The following KIF15 variants were observed in gnomAD, a reference collection of about 807,000 sequenced individuals.
KIF15 encodes kinesin-like protein KIF15.
A neutral mutation model predicts 190.6 loss-of-function variants in KIF15; 140 were observed. The ratio of observed to expected loss-of-function variants is 0.73; its 90% CI spans 0.64 to 0.84. KIF15 has a LOEUF of 0.84. Among genes scored for constraint, KIF15 ranks in the 40% least tolerant of loss-of-function variants. KIF15 has a pLI of 0.00. For missense variants in KIF15, 1,372 were observed against 1,584.4 expected, an observed-to-expected ratio of 0.87 and a Z score of 2.28; for synonymous variants, 528 against 551.3, an observed-to-expected ratio of 0.96 and a Z score of 0.59.
At chr3:44,808,593 CTT>C (rs1244748184) in intron 16 of KIF15, among the ~76,000 whole-genome samples, 7 of 132,252 alleles carry the variant, frequency 5.3e-5, no homozygotes, top group African/African-American at 5.5e-5. Flanking sequence ...TATTGTTTTG[CTT>C]TTTTTTTTTT....
chr3:44,779,438 G>A (rs575072201), intron 4 of KIF15, among the ~76,000 whole-genome samples: 1 of 152,280 alleles, frequency 6.6e-6, no homozygotes, highest in East Asian at 1.9e-4. Context: ...ATGGCAGGGT[G>A]GGTATACTGT....
intron 5 of KIF15, among the ~76,000 whole-genome samples, chr3:44,782,868 G>A (rs1706231192): frequency 6.6e-6 from 1 of 152,200 alleles, no homozygotes; most frequent in Admixed American, 6.5e-5. Flanking sequence ...GAGTTTTCCA[G>A]GATAAGGGGC....
chr3:44,844,619 C>T (rs758383232), intron 30 of KIF15, among the ~76,000 whole-genome samples: 3 of 152,218 alleles, frequency 2.0e-5, no homozygotes, highest in African/African-American at 2.4e-5. Context: ...AAGGATGCAT[C>T]GTTCAAGTCT....
chr3:44,836,094 C>T (rs1698295831), intron 26 of KIF15, among the ~76,000 whole-genome samples: 1 of 152,148 alleles, frequency 6.6e-6, no homozygotes, highest in South Asian at 2.1e-4. Context: ...CACCTGTAAT[C>T]CCAGCACTTT....
chr3:44,786,378 A>G lies in KIF15; in HGVS notation c.460-17A>G. On this transcript the variant is annotated splice_polypyrimidine_tract_variant and intron_variant, in intron 6 of 34. Transcript: ENST00000326047. ...CACATGAAAATAATGTATCTAAATG[A>G]GGCTTCTTTTTTACAGGCTGGAGCT... is the stretch of plus-strand genomic sequence containing the variant. 2 of 1,586,122 alleles carry G rather than the reference A, an allele frequency of 1.3e-6. No homozygotes were observed. Among genetic ancestry groups the G allele is most frequent in the Non-Finnish European group, 1.7e-6 (2 of 1,163,334 alleles).
chr3:44,797,987 A>G, intron 10 of KIF15, 31 bp downstream of exon 10: 1 of 1,557,202 alleles, frequency 6.4e-7, no homozygotes, highest in Non-Finnish European at 8.7e-7. Context: ...TCATTAAATA[A>G]ATGAGAAAAA....
At position 44,823,294 on chromosome 3, in the gene KIF15, G is replaced by A. The variant is rs545080837; in HGVS notation, c.2550-2745G>A. 2.0e-5 allele frequency among the ~76,000 whole-genome samples: 3 copies of A among 152,276 alleles called. No homozygotes were observed. In the South Asian group the frequency reaches 6.2e-4, roughly 32 times the overall value. On this transcript the variant is annotated intron_variant, in intron 20 of 34. Transcript: ENST00000326047. ...AGCTGCAGCTCTGTTGGTGTTTGCTGGAGGCTCACTCCAGACCCTGTTTGC... is the reference window on the plus strand; with the variant it reads ...AGCTGCAGCTCTGTTGGTGTTTGCTAGAGGCTCACTCCAGACCCTGTTTGC...
intron 7 of KIF15, among the ~76,000 whole-genome samples, chr3:44,788,007 G>A (rs1482342068): frequency 1.3e-5 from 2 of 152,018 alleles, no homozygotes; most frequent in African/African-American, 4.8e-5. Context: ...GGCGCGCACT[G>A]CCATGCCTGG....
chr3:44,867,497 G>A (rs907627575), intron 6 of KIF15, among the ~76,000 whole-genome samples: 6 of 152,214 alleles, frequency 3.9e-5, no homozygotes, highest in Non-Finnish European at 7.3e-5. Flanking sequence ...GCCTCCCTGG[G>A]CAGTTAGTGA....
intron 4 of KIF15, among the ~76,000 whole-genome samples, chr3:44,779,820 TGA>T (rs1491545663): frequency 5.0e-5 from 3 of 60,342 alleles, no homozygotes; most frequent in Non-Finnish European, 8.7e-5. Flanking sequence ...GGTGACAGAG[TGA>T]AAAAAAAAAA....
chr3:44,829,579 TG>T (rs1322668334), intron 24 of KIF15, among the ~76,000 whole-genome samples: 5 of 118,366 alleles, frequency 4.2e-5, no homozygotes, highest in Non-Finnish European at 6.3e-5. Flanking sequence ...ATATTATATA[TG>T]TATATATTAT....
At chr3:44,780,841 T>TTTAA in intron 4 of KIF15, 44 bp from the exon 5 acceptor site, 1 of 1,386,456 alleles carries the variant, frequency 7.2e-7, no homozygotes, top group Non-Finnish European at 1.0e-6. Context: ...GGAGTAGTCT[T>TTTAA]TTAATTTTAT....
chr3:44,797,837 T>C lies in KIF15; in HGVS notation c.979T>C (p.Ser327Pro). 6.2e-7 allele frequency: 1 copy of C among 1,611,808 alleles called. No individual in the cohort carries two copies. Among genetic ancestry groups the C allele is most frequent in the East Asian group, 2.2e-5 (1 of 44,872 alleles). Reference sequence around the variant, plus strand: ...GTTCATTCCTATCATTAAACAGGATTCCCTTGGAGGTAATGCCAAAACAGC... The same window carrying C: ...GTTCATTCCTATCATTAAACAGGATCCCCTTGGAGGTAATGCCAAAACAGC... ...DSKLTFLLRD[S>P]LGGNAKTAII... Residue 327 changes from serine to proline, a missense_variant, in exon 10 of 35, where the codon TCC becomes CCC. Transcript: ENST00000326047.
In KIF15 at chr3:44,815,021, T is replaced by C; in HGVS notation, c.2494T>C (p.Phe832Leu). 1.9e-6 allele frequency: 3 copies of C among 1,612,164 alleles called. No homozygotes were observed. Among genetic ancestry groups the C allele is most frequent in the Non-Finnish European group, 2.5e-6 (3 of 1,179,460 alleles). ...ATTCAAAACGAATCAGGAGAAAGAATTCAACAAACTTTCCGAAAGACACAT... is the reference window on the plus strand; with the variant it reads ...ATTCAAAACGAATCAGGAGAAAGAACTCAACAAACTTTCCGAAAGACACAT... Reference protein sequence around the residue: ...SSFKTNQEKEFNKLSERHMHV... With the variant: ...SSFKTNQEKELNKLSERHMHV... The change falls in exon 20 of 35, where the codon TTC becomes CTC. Residue 832 changes from phenylalanine to leucine, a missense_variant. Phe to Leu is a conservative substitution (Grantham distance 22, BLOSUM62 0). Coordinates refer to ENST00000326047, the MANE Select transcript of KIF15 (RefSeq NM_020242.3).
chr3:44,774,208 G>A (rs1455787666), intron 1 of KIF15, among the ~76,000 whole-genome samples, 187 bp from the exon 2 acceptor site: 1 of 152,198 alleles, frequency 6.6e-6, no homozygotes, highest in East Asian at 1.9e-4. Flanking sequence ...GAGACTAGGT[G>A]TTACAACCAG....
chr3:44,779,689 C>T (rs1051120836), intron 4 of KIF15, among the ~76,000 whole-genome samples: 1 of 151,956 alleles, frequency 6.6e-6, no homozygotes, highest in African/African-American at 2.4e-5. Flanking sequence ...AAAAAATTAG[C>T]CGGGCGTGGT....
intron 1 of KIF15, among the ~76,000 whole-genome samples, chr3:44,767,894 CAAA>C (rs1181321859): frequency 4.9e-3 from 180 of 37,112 alleles, no homozygotes; most frequent in South Asian, 7.5e-3. Flanking sequence ...GACTCCATCT[CAAA>C]AAAAAAAAAA....
At chr3:44,854,835 A>C (rs189294877), downstream of KIF15, among the ~76,000 whole-genome samples, 341 of 152,280 alleles carry the variant, frequency 2.2e-3, 1 homozygote, top group Non-Finnish European at 4.0e-3. Context: ...TTGTGCCTCT[A>C]TCTCTTCTTA....
intron 7 of KIF15, among the ~76,000 whole-genome samples, chr3:44,789,915 A>G (rs1244047946): frequency 6.6e-6 from 1 of 151,990 alleles, no homozygotes; most frequent in Non-Finnish European, 1.5e-5. Flanking sequence ...AAACATTGAA[A>G]TAAATGTCAA....
Sources: gnomAD v4.1 joint callset for allele counts (sites outside exome capture counted in the v4.1 genomes callset) on GRCh38, gnomAD v4.1.1 for gene constraint, MANE v1.5 for transcripts, NCBI Gene and HGNC (gene_info 2026-07-23, HGNC 2026-07-21) for gene names.